Variants in GAB1 observed in about 807,000 individuals in gnomAD.
GAB1 encodes GRB2 associated binding protein 1.
In GAB1, 19 loss-of-function variants were observed where a neutral mutation model predicts 66.5. The ratio of observed to expected loss-of-function variants is 0.29; its 90% CI spans 0.20 to 0.42. The LOEUF is 0.42. Among genes scored for constraint, GAB1 ranks in the 10% least tolerant of loss-of-function variants. The probability of loss-of-function intolerance (pLI) is 1.00; values close to 1 mark genes in which losing one functional copy is unlikely to be tolerated. For missense variants in GAB1, 732 were observed against 858.5 expected (o/e 0.85, Z 1.84); for synonymous variants, 294 against 301.4 (o/e 0.98, Z 0.25).
intron 2 of GAB1, chr4:143,426,137 C>A (rs1733342742): frequency 4.6e-6 from 2 of 431,230 alleles, no homozygotes; most frequent in Admixed American, 7.8e-5. Flanking sequence ...TTACTCAGGC[C>A]AGATTCTCTA....
At chr4:143,433,293 A>G (rs1275984399) in intron 2 of GAB1, among the ~76,000 whole-genome samples, 198 bp from the exon 3 acceptor site, 1 of 152,066 alleles carries the variant, frequency 6.6e-6, no homozygotes, top group African/African-American at 2.4e-5. Context: ...ATAGAGTCCT[A>G]CTCTTTAGAT....
At chr4:143,346,716 T>C (rs1217490050) in intron 1 of GAB1, among the ~76,000 whole-genome samples, 6 of 152,242 alleles carry the variant, frequency 3.9e-5, no homozygotes, top group African/African-American at 1.4e-4. Flanking sequence ...TTACTTTACA[T>C]GTTCTTGACA....
Position 143,460,385 on chromosome 4 carries a change from C to T in GAB1, c.1701C>T (p.Ser567=), listed in dbSNP as rs1408794254. ...TTAGCTCTTCCAGGTTTCCCATGTC[C>T]CCCCGACCAGATTCAGTGCATAGCA... The part of the protein sequence containing the change: ...FARDSSRFPM[S]PRPDSVHSTT... Residue 567 remains serine (S), a synonymous_variant, in exon 8 of 10, where the codon TCC becomes TCT. Transcript: ENST00000262994. The T allele has an allele frequency of 1.9e-6, 3 of 1,613,330 alleles. No individual in the cohort carries two copies. Among genetic ancestry groups the T allele is most frequent in the Non-Finnish European group, 2.5e-6 (3 of 1,179,626 alleles).
chr4:143,382,753 T>G (rs1054344972), intron 1 of GAB1, among the ~76,000 whole-genome samples: 1 of 152,178 alleles, frequency 6.6e-6, no homozygotes, highest in African/African-American at 2.4e-5. Flanking sequence ...CGCTGATTTG[T>G]TAGCTTGAGC....
intron 1 of GAB1, among the ~76,000 whole-genome samples, chr4:143,359,652 G>C (rs1405999022): frequency 1.3e-5 from 2 of 152,186 alleles, no homozygotes; most frequent in Non-Finnish European, 2.9e-5. Flanking sequence ...GGTCATTGTT[G>C]AGTATGTCCT....
At chr4:143,417,963 A>G (rs993215802) in intron 2 of GAB1, among the ~76,000 whole-genome samples, 2 of 152,222 alleles carry the variant, frequency 1.3e-5, no homozygotes, top group African/African-American at 4.8e-5. Flanking sequence ...TTAATAATCA[A>G]CACCAAGATT....
At chr4:143,460,754 G>A (rs903039567) in intron 8 of GAB1, among the ~76,000 whole-genome samples, 6 of 151,848 alleles carry the variant, frequency 4.0e-5, no homozygotes, top group African/African-American at 1.2e-4. Flanking sequence ...AGGCTGAGGT[G>A]GGAGGATCAC....
chr4:143,368,648 T>C (rs1382982706), intron 1 of GAB1, among the ~76,000 whole-genome samples: 2 of 152,178 alleles, frequency 1.3e-5, no homozygotes, highest in East Asian at 3.8e-4. Context: ...CCTCTTTGCT[T>C]ATAATACTTA....
intron 1 of GAB1, among the ~76,000 whole-genome samples, chr4:143,367,727 T>TTG (rs1729947629): frequency 7.0e-6 from 1 of 143,622 alleles, no homozygotes; most frequent in Admixed American, 6.9e-5. Context: ...GGGTTTTTTT[T>TTG]TTTTTTTTTT....
chr4:143,455,747 C>T (rs976845701), intron 6 of GAB1, among the ~76,000 whole-genome samples: 1 of 152,190 alleles, frequency 6.6e-6, no homozygotes, highest in Admixed American at 6.5e-5. Context: ...TTCTTCCTTT[C>T]TCTACTTGGT....
At position 143,438,273 on chromosome 4, in the gene GAB1, C is replaced by T. The variant is rs142063620; in HGVS notation, c.868C>T (p.Pro290Ser). 13 of 1,613,802 alleles carry T rather than the reference C, an allele frequency of 8.1e-6. 1 individual carries two copies. In the African/African-American group the frequency reaches 1.7e-4, roughly 22 times the overall value. ...ADGELYVFNT[P>S]SGTSSVETQM... The stretch of plus-strand genomic sequence containing the variant: ...TGGAGAACTCTATGTTTTTAATACC[C>T]CATCTGGGACATCGAGTGTAGAGAC... The change falls in exon 4 of 10, where the codon CCA becomes TCA. Residue 290 changes from proline to serine, a missense_variant. Pro to Ser is a moderately conservative substitution (Grantham distance 74). Coordinates refer to ENST00000262994, the MANE Select transcript of GAB1 (RefSeq NM_002039.4).
chr4:143,403,868 A>C (rs10519691), intron 1 of GAB1, among the ~76,000 whole-genome samples: 42,531 of 152,116 alleles, frequency 0.28, 6,655 homozygotes, highest in South Asian at 0.45. Context: ...TTTCATTGCC[A>C]TATATCTTGT....
rs755516428 is a variant in GAB1, at chr4:143,415,762, A to G, written c.358A>G (p.Thr120Ala). 5 of 1,601,482 alleles carry G rather than the reference A, an allele frequency of 3.1e-6. No individual in the cohort carries two copies. The East Asian group carries it at 1.1e-4, about 36-fold the overall frequency. The change falls in exon 2 of 10, where the codon ACA becomes GCA. Residue 120 changes from threonine to alanine, a missense_variant. Thr to Ala is a moderately conservative substitution (Grantham distance 58). Coordinates refer to ENST00000262994, the MANE Select transcript of GAB1 (RefSeq NM_002039.4). ...CICDICGFNP[T>A]EEDPVKPPGS... ...TTGTGACATCTGTGGGTTTAATCCAACAGAAGAAGGTAAGTTCAAGATATT... is the reference window on the plus strand; with the variant it reads ...TTGTGACATCTGTGGGTTTAATCCAGCAGAAGAAGGTAAGTTCAAGATATT...
In GAB1 at chr4:143,450,493, C is replaced by A. The variant is rs567444292; in HGVS notation, c.1586-8892C>A. Among the ~76,000 whole-genome samples, 57 of 152,246 alleles carry A rather than the reference C, an allele frequency of 3.7e-4. 1 individual carries two copies. Among genetic ancestry groups the A allele is most frequent in the African/African-American group, 1.4e-3 (57 of 41,532 alleles). On this transcript the variant is annotated intron_variant, in intron 6 of 9. Transcript: ENST00000262994. ...AGAATAATGCATTAATAGATCACAT[C>A]TATTTAATTGAAATGTGACCTCACA...
At chr4:143,411,759 A>G (rs889956988) in intron 1 of GAB1, among the ~76,000 whole-genome samples, 1 of 152,198 alleles carries the variant, frequency 6.6e-6, no homozygotes, top group Admixed American at 6.5e-5. Context: ...TCGAGCATCA[A>G]GCTTTATTCT....
At chr4:143,368,028 GGT>G (rs1729962350) in intron 1 of GAB1, among the ~76,000 whole-genome samples, 1 of 152,040 alleles carries the variant, frequency 6.6e-6, no homozygotes, top group South Asian at 2.1e-4. Context: ...GCTCGGCCAG[GGT>G]CCTTAAGTTC....
intron 1 of GAB1, among the ~76,000 whole-genome samples, chr4:143,381,522 T>G (rs542809114): frequency 2.6e-5 from 4 of 152,336 alleles, no homozygotes; most frequent in African/African-American, 7.2e-5. Flanking sequence ...AAATGTCTCC[T>G]ACTTTTAAGT....
chr4:143,429,129 G>C (rs1156364698), intron 2 of GAB1, among the ~76,000 whole-genome samples: 1 of 152,152 alleles, frequency 6.6e-6, no homozygotes, highest in Non-Finnish European at 1.5e-5. Context: ...TTGAGATGGA[G>C]TCTTACTCTA....
intron 1 of GAB1, among the ~76,000 whole-genome samples, chr4:143,399,123 A>G (rs1401336818): frequency 6.6e-6 from 1 of 152,170 alleles, no homozygotes; most frequent in Non-Finnish European, 1.5e-5. Flanking sequence ...AGTTGTCTTT[A>G]TGGAAATGAT....
Sources: gnomAD v4.1 joint callset for allele counts (sites outside exome capture counted in the v4.1 genomes callset) on GRCh38, gnomAD v4.1.1 for gene constraint, MANE v1.5 for transcripts, NCBI Gene and HGNC (gene_info 2026-07-23, HGNC 2026-07-21) for gene names.